The following LRRC28 variants were observed in gnomAD, a reference collection of about 807,000 sequenced individuals.
LRRC28 encodes leucine rich repeat containing 28.
LRRC28 carries 39 observed loss-of-function variants against 45.7 expected under a neutral mutation model. That is an observed-to-expected ratio of 0.85 (90% CI 0.66 to 1.12). The LOEUF (loss-of-function observed/expected upper bound fraction) is 1.12, where lower values mean the gene tolerates loss of function less well. Ranked by LOEUF, LRRC28 falls within the 50% of genes most tolerant of loss-of-function variation. LRRC28 has a pLI of 0.00. For synonymous variants in LRRC28, 206 were observed against 178.8 expected, an observed-to-expected ratio of 1.15 and a Z score of -1.22; for missense variants, 435 against 438.5, an observed-to-expected ratio of 0.99 and a Z score of 0.07.
intron 7 of LRRC28, among the ~76,000 whole-genome samples, chr15:99,356,591 C>T (rs967911222): frequency 6.6e-6 from 1 of 152,022 alleles, no homozygotes; most frequent in African/African-American, 2.4e-5. Context: ...TAATTGGCAT[C>T]CTTGAAGGAA....
At chr15:99,290,424 A>T (rs2082091661) in intron 5 of LRRC28, among the ~76,000 whole-genome samples, 1 of 152,164 alleles carries the variant, frequency 6.6e-6, no homozygotes, top group East Asian at 1.9e-4. Context: ...ATTGTATATC[A>T]TCAGGCCAAT....
chr15:99,279,470 G>A (rs184615260), intron 3 of LRRC28, among the ~76,000 whole-genome samples: 2 of 152,320 alleles, frequency 1.3e-5, no homozygotes, highest in African/African-American at 4.8e-5. Flanking sequence ...CTACTCAGAC[G>A]GAATAAAGAC....
In LRRC28 at chr15:99,363,232, T is replaced by TGA; in HGVS notation, c.1005_1006dup (p.Thr336ArgfsTer32). ...ATCGTCTACCCCAAGCTCTTTCCCT[T>TGA]GAGAGAGACGCCAATGGCAGGGCTG... On this transcript the variant is annotated frameshift_variant, in exon 9 of 10. Coordinates refer to ENST00000301981, the MANE Select transcript of LRRC28 (RefSeq NM_144598.5). LOFTEE classifies it high-confidence loss of function. 6.2e-7 allele frequency: 1 copy of TGA among 1,613,966 alleles called. No individual in the cohort carries two copies. The highest frequency in any genetic ancestry group is 8.5e-7 in the Non-Finnish European group (1 of 1,179,874).
At chr15:99,255,338 C>T (rs575089571) in intron 1 of LRRC28, among the ~76,000 whole-genome samples, 1 of 150,758 alleles carries the variant, frequency 6.6e-6, no homozygotes, top group African/African-American at 2.4e-5. Flanking sequence ...GCCTGGGCAA[C>T]AGAGTGAGAC....
At chr15:99,313,815 G>T (rs1005791138) in intron 5 of LRRC28, among the ~76,000 whole-genome samples, 2 of 151,896 alleles carry the variant, frequency 1.3e-5, no homozygotes, top group African/African-American at 4.8e-5. Context: ...TTTGTCCCCT[G>T]CCCCAAATTG....
At chr15:99,287,412 T>G in intron 4 of LRRC28, 118 bp downstream of exon 4, 2 of 687,634 alleles carry the variant, frequency 2.9e-6, no homozygotes, top group Non-Finnish European at 2.3e-6. Flanking sequence ...ACTTTTTTCT[T>G]CTAATAAGTC....
intron 3 of LRRC28, among the ~76,000 whole-genome samples, chr15:99,283,980 C>T (rs753534529): frequency 1.9e-4 from 29 of 152,168 alleles, no homozygotes; most frequent in Non-Finnish European, 3.8e-4. Context: ...TTAACTCTTA[C>T]CAGGAGCCAA....
At chr15:99,298,449 C>T (rs971757365) in intron 5 of LRRC28, among the ~76,000 whole-genome samples, 17 of 152,198 alleles carry the variant, frequency 1.1e-4, no homozygotes, top group African/African-American at 4.1e-4. Context: ...CCATCATACA[C>T]ACTACTTCCA....
intron 7 of LRRC28, among the ~76,000 whole-genome samples, chr15:99,358,683 G>A (rs1957114214): frequency 6.6e-6 from 1 of 151,984 alleles, no homozygotes; most frequent in South Asian, 2.1e-4. Context: ...GTAAATGATA[G>A]TGTTGTTTAA....
intron 8 of LRRC28, 55 bp from the exon 9 acceptor site, chr15:99,363,051 G>A: frequency 1.3e-6 from 2 of 1,558,764 alleles, no homozygotes; most frequent in East Asian, 4.5e-5. Flanking sequence ...AAGAAGCGTA[G>A]TTTAAGGAAG....
chr15:99,298,809 A>G (rs2082328790), intron 5 of LRRC28, among the ~76,000 whole-genome samples: 1 of 152,018 alleles, frequency 6.6e-6, no homozygotes, highest in South Asian at 2.1e-4. Context: ...CCTGGGTTGA[A>G]GCGATTCTCC....
At chr15:99,261,200 A>G (rs986818510) in intron 2 of LRRC28, among the ~76,000 whole-genome samples, 3 of 152,374 alleles carry the variant, frequency 2.0e-5, no homozygotes, top group Admixed American at 2.0e-4. Context: ...CTTTTAGCAC[A>G]TTTAAAAGAA....
chr15:99,346,523 G>A (rs1016230377), intron 6 of LRRC28, among the ~76,000 whole-genome samples: 3 of 152,144 alleles, frequency 2.0e-5, no homozygotes, highest in African/African-American at 7.2e-5. Context: ...GACAGGATCT[G>A]GCAATGCCGT....
At chr15:99,268,642 A>G (rs1237746056) in intron 2 of LRRC28, among the ~76,000 whole-genome samples, 1 of 152,182 alleles carries the variant, frequency 6.6e-6, no homozygotes, top group Non-Finnish European at 1.5e-5. Flanking sequence ...TTGTACACGG[A>G]TCTTGGAACA....
At chr15:99,373,790 A>G (rs1017570114) in intron 9 of LRRC28, among the ~76,000 whole-genome samples, 1 of 152,192 alleles carries the variant, frequency 6.6e-6, no homozygotes, top group African/African-American at 2.4e-5. Flanking sequence ...ATGTCATTTG[A>G]AAACAAGTCT....
chr15:99,266,148 A>C (rs1329237324), intron 2 of LRRC28, among the ~76,000 whole-genome samples: 1 of 152,198 alleles, frequency 6.6e-6, no homozygotes, highest in Non-Finnish European at 1.5e-5. Context: ...AAGGAAAGAG[A>C]GATCTGTCAA....
At chr15:99,300,985 C>T (rs1290295312) in intron 5 of LRRC28, among the ~76,000 whole-genome samples, 1 of 152,102 alleles carries the variant, frequency 6.6e-6, no homozygotes, top group East Asian at 1.9e-4. Flanking sequence ...TTTTTCTGTA[C>T]AGCTCTGTGT....
chr15:99,332,825 G>A (rs1229789843), intron 5 of LRRC28, among the ~76,000 whole-genome samples: 1 of 152,194 alleles, frequency 6.6e-6, no homozygotes, highest in East Asian at 1.9e-4. Flanking sequence ...TCCAAGTGTT[G>A]TACAAACTGG....
At chr15:99,252,764 T>G (rs2080881107) in intron 1 of LRRC28, among the ~76,000 whole-genome samples, 1 of 152,216 alleles carries the variant, frequency 6.6e-6, no homozygotes, top group African/African-American at 2.4e-5. Flanking sequence ...AAGGCCTACT[T>G]TAAAATTTTA....
Sources: gnomAD v4.1 joint callset for allele counts (sites outside exome capture counted in the v4.1 genomes callset) on GRCh38, gnomAD v4.1.1 for gene constraint, MANE v1.5 for transcripts, NCBI Gene and HGNC (gene_info 2026-07-23, HGNC 2026-07-21) for gene names.